Variants in FOXP2 observed in about 807,000 individuals in gnomAD.
The protein encoded by FOXP2 is forkhead box protein P2.
FOXP2 carries 12 observed loss-of-function variants against 115.8 expected under a neutral mutation model. The observed-to-expected ratio is 0.10, with a 90% confidence interval of 0.07 to 0.17. The LOEUF (loss-of-function observed/expected upper bound fraction) is 0.17, where lower values mean the gene tolerates loss of function less well. Ranked by LOEUF, FOXP2 falls within the 10% of genes least tolerant of loss-of-function variation. The probability of loss-of-function intolerance (pLI) is 1.00; values close to 1 mark genes in which losing one functional copy is unlikely to be tolerated. For missense variants in FOXP2, 629 were observed against 843.5 expected (o/e 0.75, Z 3.15); for synonymous variants, 328 against 297.7 (o/e 1.10, Z -1.05).
chr7:114,292,271 C>T (rs1401734625), intron 2 of FOXP2, among the ~76,000 whole-genome samples: 2 of 151,940 alleles, frequency 1.3e-5, no homozygotes, highest in East Asian at 3.9e-4. Flanking sequence ...AAATATGTTA[C>T]TTTAACGTTT....
chr7:114,642,795 TATATA>T (rs1805622771), intron 7 of FOXP2, among the ~76,000 whole-genome samples, 172 bp downstream of exon 7: 2 of 38,600 alleles, frequency 5.2e-5, no homozygotes, highest in East Asian at 7.2e-4. Flanking sequence ...TATATATATA[TATATA>T]TATATATATA....
chr7:114,119,941 G>GT (rs1791513420), intron 1 of FOXP2, among the ~76,000 whole-genome samples: 1 of 152,090 alleles, frequency 6.6e-6, no homozygotes, highest in South Asian at 2.1e-4. Context: ...AAGCTCTTGG[G>GT]TAATACTAAT....
chr7:114,220,532 G>A (rs1794594119), intron 1 of FOXP2, among the ~76,000 whole-genome samples: 2 of 152,014 alleles, frequency 1.3e-5, no homozygotes, highest in Non-Finnish European at 2.9e-5. Flanking sequence ...CATCATTTCA[G>A]GTAATATCAT....
chr7:114,175,283 A>T (rs1793259143), intron 1 of FOXP2, among the ~76,000 whole-genome samples: 1 of 152,160 alleles, frequency 6.6e-6, no homozygotes, highest in Admixed American at 6.5e-5. Context: ...ATGCTGTGTT[A>T]TCTGGGACCA....
chr7:114,363,127 A>G (rs191980943), intron 2 of FOXP2, among the ~76,000 whole-genome samples: 1 of 152,240 alleles, frequency 6.6e-6, no homozygotes, highest in East Asian at 1.9e-4. Flanking sequence ...AAAATGTAAT[A>G]GAGATTCACC....
intron 2 of FOXP2, among the ~76,000 whole-genome samples, chr7:114,385,515 G>A (rs1288632281): frequency 2.6e-5 from 4 of 151,990 alleles, no homozygotes; most frequent in East Asian, 3.9e-4. Context: ...GTCGGCCCTC[G>A]GCTTCCCCAA....
chr7:114,644,629 C>A, intron 7 of FOXP2, 56 bp from the exon 8 acceptor site: 1 of 1,448,538 alleles, frequency 6.9e-7, no homozygotes, highest in Non-Finnish European at 9.7e-7. Context: ...GCGCTAGCAG[C>A]CTGCAACGAT....
At chr7:114,260,460 T>C (rs2129171149) in intron 1 of FOXP2, among the ~76,000 whole-genome samples, 1 of 152,216 alleles carries the variant, frequency 6.6e-6, no homozygotes, top group East Asian at 1.9e-4. Flanking sequence ...AGTTACTTTT[T>C]TTTTTAAGAC....
intron 2 of FOXP2, among the ~76,000 whole-genome samples, chr7:114,506,865 TGAG>T (rs1222660436): frequency 6.6e-6 from 1 of 151,750 alleles, no homozygotes; most frequent in Non-Finnish European, 1.5e-5. Flanking sequence ...AGAAAAGCTT[TGAG>T]GAGATATATA....
chr7:114,440,297 T>A (rs1794544060), intron 2 of FOXP2, among the ~76,000 whole-genome samples: 1 of 152,178 alleles, frequency 6.6e-6, no homozygotes, highest in Non-Finnish European at 1.5e-5. Flanking sequence ...CTTAAATAAT[T>A]AAAACATGTA....
At chr7:114,306,914 C>T (rs938968693) in intron 2 of FOXP2, among the ~76,000 whole-genome samples, 1 of 152,132 alleles carries the variant, frequency 6.6e-6, no homozygotes, top group African/African-American at 2.4e-5. Flanking sequence ...CCTCTGCCTA[C>T]CTCTTCCACA....
At chr7:114,678,770 T>C (rs948925381) in intron 16 of FOXP2, among the ~76,000 whole-genome samples, 2 of 152,092 alleles carry the variant, frequency 1.3e-5, no homozygotes, top group South Asian at 4.1e-4. Flanking sequence ...GGAATTTGTT[T>C]TCAGAATCTT....
intron 2 of FOXP2, among the ~76,000 whole-genome samples, chr7:114,406,874 TGG>T (rs1052602096): frequency 8.6e-5 from 13 of 152,006 alleles, no homozygotes; most frequent in African/African-American, 2.7e-4. Flanking sequence ...TATTTTCCTA[TGG>T]TAATTTAGAC....
chr7:114,201,868 GAT>G (rs1395190269), intron 1 of FOXP2, among the ~76,000 whole-genome samples: 2 of 152,154 alleles, frequency 1.3e-5, no homozygotes, highest in Middle Eastern at 3.2e-3. Flanking sequence ...AACTCTACTT[GAT>G]ACTACCCTTA....
chr7:114,617,182 T>A (rs1188837015), intron 3 of FOXP2, among the ~76,000 whole-genome samples: 1 of 152,228 alleles, frequency 6.6e-6, no homozygotes, highest in Non-Finnish European at 1.5e-5. Context: ...AAATTTAGCA[T>A]ACCAAGCATG....
At chr7:114,371,252 T>G (rs1337724274) in intron 2 of FOXP2, among the ~76,000 whole-genome samples, 1 of 151,220 alleles carries the variant, frequency 6.6e-6, no homozygotes, top group Non-Finnish European at 1.5e-5. Context: ...AGCTAATTTT[T>G]TTTTTTTTTT....
chr7:114,344,950 A>T (rs1791308710), intron 2 of FOXP2, among the ~76,000 whole-genome samples: 1 of 151,820 alleles, frequency 6.6e-6, no homozygotes, highest in South Asian at 2.1e-4. Context: ...CATTTTATAA[A>T]AATTTATTTA....
chr7:114,598,012 C>T (rs1284450329), intron 3 of FOXP2, among the ~76,000 whole-genome samples: 2 of 152,016 alleles, frequency 1.3e-5, no homozygotes, highest in African/African-American at 4.8e-5. Context: ...TTCTTATATC[C>T]CTGATACTTT....
intron 2 of FOXP2, among the ~76,000 whole-genome samples, chr7:114,399,942 C>T (rs1364362878): frequency 3.5e-5 from 4 of 114,866 alleles, no homozygotes; most frequent in African/African-American, 4.2e-5. Flanking sequence ...CTGCAACCTC[C>T]GCCCCCCGAG....
Sources: allele counts gnomAD v4.1 joint callset (sites outside exome capture counted in the v4.1 genomes callset), GRCh38; gene constraint gnomAD v4.1.1; transcripts MANE v1.5; gene names NCBI Gene and HGNC (gene_info 2026-07-23, HGNC 2026-07-21).